The following SPAG17 variants were observed in gnomAD, a reference collection of about 807,000 sequenced individuals.
SPAG17 encodes sperm associated antigen 17, also known as sperm-associated antigen 17.
A neutral mutation model predicts 273.6 loss-of-function variants in SPAG17; 169 were observed. That is an observed-to-expected ratio of 0.62 (90% confidence interval 0.55 to 0.70). SPAG17 has a LOEUF of 0.70. Among genes scored for constraint, SPAG17 ranks in the 30% least tolerant of loss-of-function variants. SPAG17 has a pLI of 0.00. For synonymous variants in SPAG17, 825 were observed against 873.2 expected, an observed-to-expected ratio of 0.94 and a Z score of 0.97; for missense variants, 2,557 against 2,627.8, an observed-to-expected ratio of 0.97 and a Z score of 0.59.
chr1:118,058,035 T>C (rs924828966), intron 18 of SPAG17, among the ~76,000 whole-genome samples: 1 of 152,036 alleles, frequency 6.6e-6, no homozygotes, highest in African/African-American at 2.4e-5. Flanking sequence ...TAATACTACA[T>C]AGAAATTTAT....
At chr1:118,183,050 T>C (rs974859546) in intron 1 of SPAG17, among the ~76,000 whole-genome samples, 4 of 152,238 alleles carry the variant, frequency 2.6e-5, no homozygotes, top group Non-Finnish European at 5.9e-5. Flanking sequence ...CTTTAAAGCC[T>C]ACCCAACATG....
chr1:118,132,806 T>A (rs900778458), intron 3 of SPAG17, among the ~76,000 whole-genome samples: 1 of 152,214 alleles, frequency 6.6e-6, no homozygotes, highest in Admixed American at 6.5e-5. Context: ...GGAATCTTGC[T>A]CTGTTGCCAG....
At chr1:118,165,944 A>C (rs746480542) in intron 1 of SPAG17, among the ~76,000 whole-genome samples, 9 of 152,192 alleles carry the variant, frequency 5.9e-5, no homozygotes, top group Non-Finnish European at 1.2e-4. Flanking sequence ...CACCCGGCCG[A>C]AATCTTTCTT....
Position 118,055,866 on chromosome 1 carries a change from T to C in SPAG17, c.2589A>G (p.Lys863=). 1.2e-6 allele frequency: 2 copies of C among 1,612,178 alleles called. No homozygotes were observed. The highest frequency in any genetic ancestry group is 1.7e-6 in the Non-Finnish European group (2 of 1,179,432). The part of the protein sequence containing the change: ...VAKSIQDWIT[K]EEAIYQESKM... ...TAGATTCCTGATATATAGCTTCTTC[T>C]TTTGTAATCCAATCTTGAATAGATT... Residue 863 remains lysine (K), a synonymous_variant, in exon 19 of 49, where the codon AAA becomes AAG. Coordinates refer to ENST00000336338, the MANE Select transcript of SPAG17 (RefSeq NM_206996.4).
chr1:118,166,552 G>C (rs1558057806), intron 1 of SPAG17, among the ~76,000 whole-genome samples: 1 of 152,102 alleles, frequency 6.6e-6, no homozygotes, highest in East Asian at 1.9e-4. Flanking sequence ...AGTGCTGGAA[G>C]ATTTATTTCC....
Position 117,966,630 on chromosome 1 carries a change from G to A in SPAG17, c.6511C>T (p.Leu2171=), listed in dbSNP as rs143456818. 7.9e-5 allele frequency: 128 copies of A among 1,612,692 alleles called. No individual in the cohort carries two copies. The highest frequency in any genetic ancestry group is 1.0e-4 in the Non-Finnish European group (123 of 1,179,666). The change falls in exon 47 of 49, where the codon CTG becomes TTG. Residue 2171 remains leucine, a synonymous_variant. Coordinates refer to ENST00000336338, the MANE Select transcript of SPAG17 (RefSeq NM_206996.4). Reference sequence around the variant, plus strand: ...ATATTTGCTTCCACAGGTAGGAACAGAACCTCATGCTCTGTCATAATCTCG... The same window carrying A: ...ATATTTGCTTCCACAGGTAGGAACAAAACCTCATGCTCTGTCATAATCTCG... ...NIEIMTEHEV[L]FLPVEATVLT...
At chr1:118,074,510 T>C in intron 16 of SPAG17, 29 bp downstream of exon 16, 1 of 1,584,204 alleles carries the variant, frequency 6.3e-7, no homozygotes, top group Non-Finnish European at 8.7e-7. Flanking sequence ...CATCTTGTCA[T>C]CTACATTTTC....
In SPAG17 at chr1:117,959,316, G is replaced by A. The variant is rs757013785; in HGVS notation, c.*4483C>T. On this transcript the variant is annotated intron_variant, in intron 48 of 48. Coordinates refer to ENST00000336338, the MANE Select transcript of SPAG17 (RefSeq NM_206996.4). The stretch of plus-strand genomic sequence containing the variant: ...GGATGTTATCGGCTTCAATATGGCT[G>A]GTCTTGATTATCTCAAGAGGGAATG... 22 of 1,613,074 alleles carry A rather than the reference G, an allele frequency of 1.4e-5. 1 individual carries two copies. In the South Asian group the frequency reaches 2.4e-4, roughly 18 times the overall value.
At chr1:118,021,098 A>C (rs188273232) in intron 28 of SPAG17, among the ~76,000 whole-genome samples, 18 of 152,308 alleles carry the variant, frequency 1.2e-4, no homozygotes, top group Admixed American at 5.9e-4. Context: ...AAAATGGCTG[A>C]ATCTCAGCAG....
At position 118,057,624 on chromosome 1, in the gene SPAG17, AT is replaced by A. The variant is rs200850607; in HGVS notation, c.2541-1711del. ...TTCTGAACTATTTACTCACAAATGT[AT>A]TCCAGTTGCATTAAAAAAATAAATC... On this transcript the variant is annotated intron_variant, in intron 18 of 48. Transcript: ENST00000336338. Among the ~76,000 whole-genome samples the A allele has an allele frequency of 3.1e-3, 466 of 152,320 alleles. 3 individuals carry two copies. Among genetic ancestry groups the A allele is most frequent in the African/African-American group, 0.011 (450 of 41,564 alleles).
At chr1:118,060,115 T>A (rs554304625) in intron 18 of SPAG17, among the ~76,000 whole-genome samples, 11 of 152,268 alleles carry the variant, frequency 7.2e-5, no homozygotes, top group African/African-American at 2.6e-4. Context: ...TTCCTACTCT[T>A]TTGCTGTCTT....
At chr1:118,062,384 A>AAAAAAAAAAAAAAAT (rs1553242204) in intron 18 of SPAG17, among the ~76,000 whole-genome samples, 11 of 149,192 alleles carry the variant, frequency 7.4e-5, no homozygotes, top group African/African-American at 2.5e-4. Context: ...AAAAAAAAAA[A>AAAAAAAAAAAAAAAT]AAATTAAAGA....
chr1:118,007,171 A>C (rs540851604), intron 31 of SPAG17, among the ~76,000 whole-genome samples: 62 of 152,268 alleles, frequency 4.1e-4, no homozygotes, highest in African/African-American at 1.5e-3. Context: ...AAAAACATGA[A>C]AATTTATATC....
intron 23 of SPAG17, among the ~76,000 whole-genome samples, chr1:118,038,517 C>T (rs751086420): frequency 3.3e-5 from 5 of 152,078 alleles, no homozygotes; most frequent in Admixed American, 6.6e-5. Flanking sequence ...CTGGAGGCAA[C>T]CAAGATGTCC....
chr1:118,072,990 G>A (rs1204426048), intron 17 of SPAG17, among the ~76,000 whole-genome samples: 2 of 152,100 alleles, frequency 1.3e-5, no homozygotes, highest in Admixed American at 6.6e-5. Context: ...TTTTGCCTCT[G>A]AGAACTGCGG....
Position 118,025,238 on chromosome 1 carries a change from CT to C in SPAG17, c.3908del (p.Gln1303ArgfsTer9). 3.7e-6 allele frequency: 6 copies of C among 1,612,642 alleles called. No individual in the cohort carries two copies. Among genetic ancestry groups the C allele is most frequent in the Non-Finnish European group, 5.1e-6 (6 of 1,179,236 alleles). ...VVKYMLDGST[Q>X]ILFADGAVSR... ...TAATTTCTCTAACACATTCTTTTAC[CT>C]GTGTGGATCCATCCAACATATATTT... On this transcript the variant is annotated frameshift_variant and splice_region_variant, in exon 27 of 49. Coordinates refer to ENST00000336338, the MANE Select transcript of SPAG17 (RefSeq NM_206996.4). LOFTEE classifies it high-confidence loss of function.
At chr1:118,163,002 A>G (rs1159606119) in intron 1 of SPAG17, among the ~76,000 whole-genome samples, 2 of 152,206 alleles carry the variant, frequency 1.3e-5, no homozygotes, top group Non-Finnish European at 2.9e-5. Context: ...TATGTATTCC[A>G]TCCATATTAG....
chr1:118,110,577 T>TG (rs779890804), intron 4 of SPAG17, among the ~76,000 whole-genome samples: 73 of 152,306 alleles, frequency 4.8e-4, no homozygotes, highest in Non-Finnish European at 8.5e-4. Context: ...CATTTCTGCG[T>TG]GGGGGGCAGG....
intron 25 of SPAG17, among the ~76,000 whole-genome samples, chr1:118,030,519 AC>A (rs1438682505): frequency 6.6e-6 from 1 of 151,856 alleles, no homozygotes; most frequent in African/African-American, 2.4e-5. Context: ...GGTTTGCTGC[AC>A]CTATCAAGCC....
Sources: allele counts gnomAD v4.1 joint callset (sites outside exome capture counted in the v4.1 genomes callset), GRCh38; gene constraint gnomAD v4.1.1; transcripts MANE v1.5; gene names NCBI Gene and HGNC (gene_info 2026-07-23, HGNC 2026-07-21).